Variants in PPP3CA observed in about 807,000 individuals in gnomAD.
The protein encoded by PPP3CA is CAM-PRP catalytic subunit.
PPP3CA carries 14 observed loss-of-function variants against 66.5 expected under a neutral mutation model. That is an observed-to-expected ratio of 0.21 (90% CI 0.14 to 0.33). The LOEUF is 0.33. Ranked by LOEUF, PPP3CA falls within the 10% of genes least tolerant of loss-of-function variation. The probability of loss-of-function intolerance (pLI) is 1.00; values close to 1 mark genes in which losing one functional copy is unlikely to be tolerated. For missense variants in PPP3CA, 317 were observed against 639.5 expected, an observed-to-expected ratio of 0.50 and a Z score of 5.44; for synonymous variants, 232 against 226.2, an observed-to-expected ratio of 1.03 and a Z score of -0.23.
rs74888666 is a variant in PPP3CA, at chr4:101,036,867, G to C, written c.1241+3615C>G. ...ATTGAAAAGTACTTCCTCTTCTTTA[G>C]ACAATGGCATCCTATCAATGGCATA... On this transcript the variant is annotated intron_variant, in intron 11 of 13. Transcript: ENST00000394854. Among the ~76,000 whole-genome samples, 1,049 of 152,156 alleles carry C rather than the reference G, an allele frequency of 6.9e-3. 8 individuals are homozygous for C. Among genetic ancestry groups the C allele is most frequent in the South Asian group, 0.036 (176 of 4,822 alleles).
chr4:101,292,638 ACTC>A (rs1728066234), intron 1 of PPP3CA, among the ~76,000 whole-genome samples: 1 of 152,198 alleles, frequency 6.6e-6, no homozygotes, highest in Admixed American at 6.5e-5. Context: ...TTGCCACAGA[ACTC>A]CTTAATCAGG....
chr4:101,262,261 A>G (rs547697558), intron 1 of PPP3CA, among the ~76,000 whole-genome samples: 48 of 152,204 alleles, frequency 3.2e-4, no homozygotes, highest in African/African-American at 1.1e-3. Flanking sequence ...ATTAATAACA[A>G]GAGTATATAC....
chr4:101,106,373 AAAAGAAAGAAAGAAAG>A (rs1156736728), intron 3 of PPP3CA, among the ~76,000 whole-genome samples: 3 of 14,080 alleles, frequency 2.1e-4, no homozygotes, highest in African/African-American at 5.9e-4. Flanking sequence ...TAAAAGAGAG[AAAAGAAAGAAAGAAAG>A]AAAGAAAGAA....
At position 101,268,677 on chromosome 4, in the gene PPP3CA, T is replaced by A. The variant is rs560522813; in HGVS notation, c.59-72561A>T. ...GATTCGCAGCCTATAACAATCCCTATAGCATATTATTTATACTTGCTGGAA... is the reference window on the plus strand; with the variant it reads ...GATTCGCAGCCTATAACAATCCCTAAAGCATATTATTTATACTTGCTGGAA... On this transcript the variant is annotated intron_variant, in intron 1 of 13. Coordinates refer to ENST00000394854, the MANE Select transcript of PPP3CA (RefSeq NM_000944.5). Among the ~76,000 whole-genome samples the A allele has an allele frequency of 3.3e-5, 5 of 152,256 alleles. No individual in the cohort carries two copies. In the South Asian group the frequency reaches 1.0e-3, roughly 32 times the overall value.
At chr4:101,298,203 T>C (rs528500073) in intron 1 of PPP3CA, among the ~76,000 whole-genome samples, 20 of 152,068 alleles carry the variant, frequency 1.3e-4, no homozygotes, top group Non-Finnish European at 2.6e-4. Flanking sequence ...TACCCTCAGA[T>C]AGACTCAAGA....
chr4:101,032,435 GA>G (rs372538689), intron 11 of PPP3CA, 71 bp from the exon 12 acceptor site: 75 of 1,304,870 alleles, frequency 5.7e-5, no homozygotes, highest in East Asian at 7.5e-5. Flanking sequence ...TGACTGAAAG[GA>G]AAAAAAATGC....
intron 1 of PPP3CA, among the ~76,000 whole-genome samples, chr4:101,257,466 C>A (rs1228652959): frequency 6.6e-6 from 1 of 151,336 alleles, no homozygotes; most frequent in Non-Finnish European, 1.5e-5. Flanking sequence ...GCTGTGTTAA[C>A]CTCACCTATA....
intron 1 of PPP3CA, among the ~76,000 whole-genome samples, chr4:101,327,830 T>C (rs1729253058): frequency 6.6e-6 from 1 of 152,162 alleles, no homozygotes; most frequent in Admixed American, 6.6e-5. Flanking sequence ...TACATTTCAA[T>C]AAATATATAT....
chr4:101,139,699 T>TG (rs1272166218), intron 2 of PPP3CA, among the ~76,000 whole-genome samples: 3 of 135,480 alleles, frequency 2.2e-5, no homozygotes, highest in African/African-American at 7.8e-5. Flanking sequence ...TTTTTGTGTT[T>TG]TTTTTTTTTT....
chr4:101,083,400 C>G (rs747310759), intron 6 of PPP3CA, 137 bp from the exon 7 acceptor site: 1 of 745,010 alleles, frequency 1.3e-6, no homozygotes, highest in Non-Finnish European at 2.2e-6. Context: ...AGCCTCTTGA[C>G]TCTAAGGCCA....
At chr4:101,226,134 G>C (rs1414040606) in intron 1 of PPP3CA, among the ~76,000 whole-genome samples, 1 of 151,634 alleles carries the variant, frequency 6.6e-6, no homozygotes, top group Non-Finnish European at 1.5e-5. Context: ...TAACACTAGT[G>C]AACAGATCTG....
intron 1 of PPP3CA, among the ~76,000 whole-genome samples, chr4:101,221,625 C>A (rs952156289): frequency 1.5e-4 from 22 of 151,502 alleles, no homozygotes; most frequent in Admixed American, 8.6e-4. Flanking sequence ...TCTAAACAGA[C>A]TACTTTATTG....
intron 6 of PPP3CA, 111 bp from the exon 7 acceptor site, chr4:101,083,374 C>T: frequency 2.1e-6 from 2 of 958,770 alleles, no homozygotes; most frequent in Admixed American, 2.1e-5. Context: ...ATCAAACATA[C>T]ATCATTCATG....
chr4:101,326,303 G>C (rs1206645128), intron 1 of PPP3CA, among the ~76,000 whole-genome samples: 1 of 152,056 alleles, frequency 6.6e-6, no homozygotes, highest in Non-Finnish European at 1.5e-5. Context: ...TCACTTACTA[G>C]CTCTCTGATC....
intron 10 of PPP3CA, among the ~76,000 whole-genome samples, chr4:101,060,624 T>A (rs571572240): frequency 1.3e-5 from 2 of 152,216 alleles, no homozygotes; most frequent in East Asian, 3.9e-4. Flanking sequence ...AGAAGAAATA[T>A]TGGGATTGAA....
chr4:101,256,457 A>C (rs1024246667), intron 1 of PPP3CA, among the ~76,000 whole-genome samples: 2 of 151,978 alleles, frequency 1.3e-5, no homozygotes, highest in African/African-American at 4.8e-5. Flanking sequence ...CACCTGCCAG[A>C]AATGTAACTA....
rs772855076 is a variant in PPP3CA, at chr4:101,347,376, TCTC to T, written c.-583_-581del. 249 of 178,366 alleles carry T rather than the reference TCTC, an allele frequency of 1.4e-3. 2 individuals are homozygous for T. Among genetic ancestry groups the T allele is most frequent in the Non-Finnish European group, 2.7e-3 (238 of 86,600 alleles). 11.0% of individuals were successfully genotyped at this position (178,366 alleles called of 1,614,324 possible). ...TGTTGCTGCTGCCGCTGCCCCTGCT[TCTC>T]CACACAGAGCGCCGCCGCTGGTGCC... On this transcript the variant is annotated 5_prime_UTR_variant, in exon 1 of 14. Coordinates refer to ENST00000394854, the MANE Select transcript of PPP3CA (RefSeq NM_000944.5).
chr4:101,320,625 C>T (rs1729014919), intron 1 of PPP3CA, among the ~76,000 whole-genome samples: 1 of 152,030 alleles, frequency 6.6e-6, no homozygotes, highest in Non-Finnish European at 1.5e-5. Context: ...AGAAACAATG[C>T]TTCTGGCTAA....
At chr4:101,032,394 C>CTT (rs750182827) in intron 11 of PPP3CA, 30 bp from the exon 12 acceptor site, 5 of 1,541,404 alleles carry the variant, frequency 3.2e-6, no homozygotes, top group East Asian at 4.6e-5. Flanking sequence ...GCGACATTAA[C>CTT]TTTTAATTTC....
Sources: gnomAD v4.1 joint callset for allele counts (sites outside exome capture counted in the v4.1 genomes callset) on GRCh38, gnomAD v4.1.1 for gene constraint, MANE v1.5 for transcripts, NCBI Gene and HGNC (gene_info 2026-07-23, HGNC 2026-07-21) for gene names.